EYS: variants seen among roughly 807,000 people sequenced by gnomAD.
EYS encodes EGF-like photoreceptor maintenance factor.
A neutral mutation model predicts 282.1 loss-of-function variants in EYS; 250 were observed. That is an observed-to-expected ratio of 0.89 (90% confidence interval 0.80 to 0.98). The LOEUF (loss-of-function observed/expected upper bound fraction) is 0.98. EYS is among the 50% of genes least tolerant of loss of function. The pLI, the probability that EYS is intolerant of heterozygous loss-of-function variation, is 0.00. For missense variants in EYS, 4,016 were observed against 3,709.0 expected (o/e 1.08, Z -2.15); for synonymous variants, 1,355 against 1,282.9 (o/e 1.06, Z -1.20).
At chr6:65,127,535 T>G (rs1775754211) in intron 12 of EYS, among the ~76,000 whole-genome samples, 2 of 152,136 alleles carry the variant, frequency 1.3e-5, no homozygotes, top group South Asian at 4.1e-4. Flanking sequence ...ACCATAATTA[T>G]AAACTGAAGA....
chr6:64,088,737 T>C (rs1422060584), intron 31 of EYS, among the ~76,000 whole-genome samples: 2 of 151,984 alleles, frequency 1.3e-5, no homozygotes, highest in Admixed American at 6.6e-5. Context: ...CAGAATATTA[T>C]AAAGAAAACA....
chr6:64,569,587 A>C (rs978055149), intron 26 of EYS, among the ~76,000 whole-genome samples: 2 of 151,936 alleles, frequency 1.3e-5, no homozygotes, highest in African/African-American at 4.8e-5. Context: ...TAAAAATACA[A>C]GAAATTAGCC....
intron 22 of EYS, among the ~76,000 whole-genome samples, chr6:64,629,455 G>A (rs1340307420): frequency 6.6e-6 from 1 of 152,032 alleles, no homozygotes; most frequent in African/African-American, 2.4e-5. Context: ...ATCTATAAAA[G>A]TCAAGTTGTA....
chr6:64,184,030 G>A (rs1008217093), intron 31 of EYS, among the ~76,000 whole-genome samples: 5 of 152,078 alleles, frequency 3.3e-5, no homozygotes, highest in Admixed American at 6.6e-5. Flanking sequence ...AGTTGTGATA[G>A]GAAGTGACCC....
chr6:64,251,498 C>T (rs1432149856), intron 30 of EYS, among the ~76,000 whole-genome samples: 2 of 152,082 alleles, frequency 1.3e-5, no homozygotes. Context: ...AAGAGTGTGA[C>T]TCTAGTATAC....
chr6:65,039,995 C>T (rs9363326), intron 13 of EYS, among the ~76,000 whole-genome samples: 10,374 of 151,588 alleles, frequency 0.068, 448 homozygotes, highest in East Asian at 0.13. Flanking sequence ...TTTTGGCCCA[C>T]GGATCTTAAG....
At chr6:64,435,674 C>G (rs545172582) in intron 28 of EYS, among the ~76,000 whole-genome samples, 2 of 151,930 alleles carry the variant, frequency 1.3e-5, no homozygotes, top group African/African-American at 4.8e-5. Flanking sequence ...GAAAAGTTTA[C>G]TTATCAGATT....
rs191282803 is a variant in EYS at position 64,107,299 on chromosome 6, A to T, written c.6425-25297T>A. On this transcript the variant is annotated intron_variant, in intron 31 of 42. Coordinates refer to ENST00000503581, the MANE Select transcript of EYS (RefSeq NM_001142800.2). ...TATATATATATTTATATATATATAT[A>T]TATATATATATATATAAAGGGGAGT... is the stretch of plus-strand genomic sequence containing the variant. Among the ~76,000 whole-genome samples the T allele has an allele frequency of 1.0e-4, 13 of 126,926 alleles. 1 individual carries two copies. The highest frequency in any genetic ancestry group is 3.5e-4 in the African/African-American group (10 of 28,370). The allele number at this position is 126,926 out of a possible 152,430, so 83.3% of individuals were successfully genotyped here. A position where few individuals can be genotyped will look rare whatever the true frequency, so the allele number is the denominator to read the frequency against.
intron 31 of EYS, among the ~76,000 whole-genome samples, chr6:64,124,752 A>G (rs568588272): frequency 4.6e-5 from 7 of 152,254 alleles, no homozygotes; most frequent in Non-Finnish European, 1.0e-4. Flanking sequence ...TAATCATTGT[A>G]TCATATAAAT....
At chr6:64,980,301 C>T (rs569679170) in intron 14 of EYS, among the ~76,000 whole-genome samples, 16 of 151,522 alleles carry the variant, frequency 1.1e-4, no homozygotes, top group African/African-American at 3.9e-4. Context: ...AGAAAAATTT[C>T]AGAGGAATCA....
At chr6:64,983,347 CAATT>C (rs911423670) in intron 14 of EYS, among the ~76,000 whole-genome samples, 1 of 150,974 alleles carries the variant, frequency 6.6e-6, no homozygotes, top group African/African-American at 2.4e-5. Context: ...TGCATTATGT[CAATT>C]AATCTACTCA....
intron 1 of EYS, among the ~76,000 whole-genome samples, chr6:65,698,928 A>G (rs1769554363): frequency 6.6e-6 from 1 of 152,172 alleles, no homozygotes; most frequent in Non-Finnish European, 1.5e-5. Context: ...TCCTACAATT[A>G]CTTTTCTAAA....
chr6:65,427,540 T>C (rs888196707), intron 5 of EYS, among the ~76,000 whole-genome samples: 1 of 152,066 alleles, frequency 6.6e-6, no homozygotes, highest in Non-Finnish European at 1.5e-5. Context: ...AATAAATATG[T>C]ACATAAAAAA....
intron 8 of EYS, among the ~76,000 whole-genome samples, chr6:65,355,389 TCC>T (rs1456340402): frequency 2.0e-4 from 22 of 109,672 alleles, no homozygotes; most frequent in African/African-American, 7.8e-4. Context: ...TTTCAGAATA[TCC>T]TCTTCTGGAC....
chr6:65,114,461 AATT>A (rs1248605886), intron 12 of EYS, among the ~76,000 whole-genome samples: 1 of 101,060 alleles, frequency 9.9e-6, no homozygotes, highest in Non-Finnish European at 2.1e-5. Context: ...TTTCCAAACT[AATT>A]TTTTTTTTTT....
At chr6:63,856,663 G>T (rs2149706047) in intron 36 of EYS, among the ~76,000 whole-genome samples, 1 of 152,148 alleles carries the variant, frequency 6.6e-6, no homozygotes, top group African/African-American at 2.4e-5. Context: ...GAGAGGTAAT[G>T]GTTCAAAAGA....
chr6:65,617,815 C>T (rs1238699270), intron 2 of EYS, among the ~76,000 whole-genome samples: 2 of 150,492 alleles, frequency 1.3e-5, no homozygotes, highest in Non-Finnish European at 1.5e-5. Flanking sequence ...TGGTTTTTTG[C>T]ACTTGCAATA....
intron 19 of EYS, among the ~76,000 whole-genome samples, chr6:64,871,595 T>A (rs1358896939): frequency 6.6e-6 from 1 of 151,982 alleles, no homozygotes; most frequent in African/African-American, 2.4e-5. Context: ...TCTGAGCTGA[T>A]AAATAAAGGT....
At chr6:64,304,138 G>C (rs927716545) in intron 30 of EYS, among the ~76,000 whole-genome samples, 12 of 152,092 alleles carry the variant, frequency 7.9e-5, no homozygotes, top group Non-Finnish European at 1.5e-4. Context: ...TTTTGAGGCC[G>C]ATGCTGCAGA....
Sources: gnomAD v4.1 joint callset for allele counts (sites outside exome capture counted in the v4.1 genomes callset) on GRCh38, gnomAD v4.1.1 for gene constraint, MANE v1.5 for transcripts, NCBI Gene and HGNC (gene_info 2026-07-23, HGNC 2026-07-21) for gene names.